Variants in CHODL observed in about 807,000 individuals in gnomAD.
CHODL encodes the protein transmembrane protein MT75.
Under a neutral mutation model 34.5 loss-of-function variants are expected in CHODL, and 29 were observed. The observed-to-expected ratio is 0.84, with a 90% CI of 0.63 to 1.15. CHODL has a LOEUF of 1.15. CHODL is among the 50% of genes most tolerant of loss of function. CHODL has a pLI of 0.00. For missense variants in CHODL, 332 were observed against 332.5 expected (o/e 1.00, Z 0.01); for synonymous variants, 125 against 116.1 (o/e 1.08, Z -0.49).
intron 1 of CHODL, among the ~76,000 whole-genome samples, chr21:17,987,143 A>G (rs1171185682): frequency 1.3e-5 from 2 of 152,150 alleles, no homozygotes; most frequent in Non-Finnish European, 2.9e-5. Flanking sequence ...AGGAGGTTAT[A>G]GCTGCTTTCA....
At position 18,211,763 on chromosome 21, in the gene CHODL, T is replaced by C. The variant is rs2073777300; in HGVS notation, c.-44-44746T>C. On this transcript the variant is annotated intron_variant, in intron 2 of 6. Transcript: ENST00000400127. Reference sequence around the variant, plus strand: ...AGTCACATATGGTTAGTGGTTCCTGTATTAGACAGAACCGACCTGGAACTT... The same window carrying C: ...AGTCACATATGGTTAGTGGTTCCTGCATTAGACAGAACCGACCTGGAACTT... Among the ~76,000 whole-genome samples, 2 of 152,244 alleles carry C rather than the reference T, an allele frequency of 1.3e-5. 1 individual carries two copies. Among genetic ancestry groups the C allele is most frequent in the South Asian group, 4.1e-4 (2 of 4,836 alleles).
chr21:18,010,630 A>G (rs1357182124), intron 1 of CHODL, among the ~76,000 whole-genome samples: 1 of 152,090 alleles, frequency 6.6e-6, no homozygotes, highest in East Asian at 1.9e-4. Context: ...TGTCTTCCTC[A>G]TGTAAGGTTT....
At chr21:17,950,236 G>T (rs1042911952) in intron 1 of CHODL, among the ~76,000 whole-genome samples, 8 of 151,928 alleles carry the variant, frequency 5.3e-5, no homozygotes, top group African/African-American at 1.2e-4. Flanking sequence ...AAGCAGACTT[G>T]TTAAGGGAAA....
intron 2 of CHODL, among the ~76,000 whole-genome samples, chr21:18,048,638 TC>T (rs1193222359): frequency 1.3e-5 from 2 of 151,938 alleles, no homozygotes; most frequent in African/African-American, 4.8e-5. Flanking sequence ...TTGTTTATGA[TC>T]TTTGAACTTC....
chr21:18,174,123 G>A (rs4818407), intron 2 of CHODL, among the ~76,000 whole-genome samples: 7,677 of 19,386 alleles, frequency 0.4, 1,385 homozygotes, highest in Non-Finnish European at 0.54. Flanking sequence ...ATATCTTGGT[G>A]TATATATATA....
chr21:18,151,005 C>T (rs143746571), intron 2 of CHODL, among the ~76,000 whole-genome samples: 2,892 of 148,964 alleles, frequency 0.019, 98 homozygotes, highest in African/African-American at 0.07. Context: ...ATTGCTTGAA[C>T]CTGGGAGATG....
At chr21:18,224,643 G>T (rs1206359602) in intron 2 of CHODL, among the ~76,000 whole-genome samples, 1 of 151,998 alleles carries the variant, frequency 6.6e-6, no homozygotes, top group Non-Finnish European at 1.5e-5. Context: ...ATTCCTCTTG[G>T]GAATGGGAAT....
chr21:18,006,431 T>C (rs553715754), intron 1 of CHODL, among the ~76,000 whole-genome samples: 3 of 152,190 alleles, frequency 2.0e-5, no homozygotes, highest in Admixed American at 2.0e-4. Context: ...CTAACAAAGA[T>C]CTTCTCACCT....
intron 1 of CHODL, among the ~76,000 whole-genome samples, chr21:18,017,008 A>G (rs2064081507): frequency 6.6e-6 from 1 of 152,214 alleles, no homozygotes; most frequent in Non-Finnish European, 1.5e-5. Flanking sequence ...CTGTATCCCC[A>G]TTGTATCTTG....
At chr21:18,153,505 T>G (rs948296249) in intron 2 of CHODL, among the ~76,000 whole-genome samples, 1 of 152,180 alleles carries the variant, frequency 6.6e-6, no homozygotes, top group Non-Finnish European at 1.5e-5. Flanking sequence ...CTCCCTCTCC[T>G]GCTGTATCTC....
chr21:18,263,893 T>A (rs1394286421), intron 5 of CHODL, among the ~76,000 whole-genome samples: 1 of 148,270 alleles, frequency 6.7e-6, no homozygotes, highest in Non-Finnish European at 1.5e-5. Flanking sequence ...AAAAGCCACA[T>A]TAATAACCTT....
chr21:17,960,072 G>A (rs986322293), intron 1 of CHODL, among the ~76,000 whole-genome samples: 4 of 151,982 alleles, frequency 2.6e-5, no homozygotes, highest in Non-Finnish European at 4.4e-5. Context: ...GACGTAGCTG[G>A]GTATAATGTA....
At position 18,044,669 on chromosome 21, in the gene CHODL, G is replaced by A. The variant is rs114640110; in HGVS notation, c.-45+16698G>A. On this transcript the variant is annotated intron_variant, in intron 2 of 6. Coordinates refer to the CHODL transcript ENST00000400127. ...AAATACCTTTTTTTTCCTTTAGATC[G>A]ATTACAATATAGTTGATTATATACT... is the stretch of plus-strand genomic sequence containing the variant. Among the ~76,000 whole-genome samples the A allele has an allele frequency of 2.9e-3, 437 of 151,568 alleles. 2 individuals carry two copies. The highest frequency in any genetic ancestry group is 0.01 in the African/African-American group (417 of 41,362).
intron 2 of CHODL, among the ~76,000 whole-genome samples, chr21:18,061,041 A>T (rs1000904681): frequency 6.6e-6 from 1 of 152,212 alleles, no homozygotes; most frequent in Non-Finnish European, 1.5e-5. Context: ...AAGTTCTTTC[A>T]GGTACAAAAT....
chr21:18,251,537 A>T lies in CHODL; in HGVS notation c.80-4972A>T, dbSNP rs1229457326. On this transcript the variant is annotated intron_variant, in intron 1 of 5. Coordinates refer to ENST00000299295, the MANE Select transcript of CHODL (RefSeq NM_024944.3). ...ATATAAAATATTTATTTTATTTATT[A>T]TTTTAATATATAAATATTTATTTTA... Among the ~76,000 whole-genome samples the T allele has an allele frequency of 9.5e-5, 4 of 42,242 alleles. 1 individual carries two copies. The highest frequency in any genetic ancestry group is 3.6e-4 in the African/African-American group (4 of 11,246). The allele number at this position is 42,242 out of a possible 152,430, so 27.7% of individuals were successfully genotyped here.
chr21:18,068,083 A>T (rs1005556488), intron 2 of CHODL, among the ~76,000 whole-genome samples: 2 of 152,158 alleles, frequency 1.3e-5, no homozygotes, highest in Middle Eastern at 3.2e-3. Flanking sequence ...AATAAAATAA[A>T]TGCACAACAA....
intron 1 of CHODL, among the ~76,000 whole-genome samples, chr21:17,963,067 A>G (rs1260632861): frequency 1.8e-5 from 1 of 54,080 alleles, no homozygotes; most frequent in Non-Finnish European, 3.8e-5. Flanking sequence ...ATGTCTCAAA[A>G]AAAAAAAATA....
At position 18,256,826 on chromosome 21, in the gene CHODL, T is replaced by C. The variant is rs1227733637; in HGVS notation, c.389+8T>C. On this transcript the variant is annotated splice_region_variant and intron_variant, in intron 2 of 5. Coordinates refer to ENST00000299295, the MANE Select transcript of CHODL (RefSeq NM_024944.3). ...AAGCAATTCCCAGTACCGGTGAGTATGGATCTTGAGCAGTTGGCAGGTGCT... is the reference window on the plus strand; with the variant it reads ...AAGCAATTCCCAGTACCGGTGAGTACGGATCTTGAGCAGTTGGCAGGTGCT... The C allele has an allele frequency of 1.6e-5, 25 of 1,609,216 alleles. No homozygotes were observed. The highest frequency in any genetic ancestry group is 2.0e-5 in the Non-Finnish European group (24 of 1,177,210).
intron 1 of CHODL, among the ~76,000 whole-genome samples, chr21:17,931,137 C>G (rs2063269532): frequency 6.6e-6 from 1 of 152,164 alleles, no homozygotes; most frequent in Non-Finnish European, 1.5e-5. Flanking sequence ...TCAGTCACTC[C>G]CGTCAGAGCT....
Sources: allele counts gnomAD v4.1 joint callset (sites outside exome capture counted in the v4.1 genomes callset), GRCh38; gene constraint gnomAD v4.1.1; transcripts MANE v1.5; gene names NCBI Gene and HGNC (gene_info 2026-07-23, HGNC 2026-07-21).